The following HHAT variants were observed in gnomAD, a reference collection of about 807,000 sequenced individuals.
The protein encoded by HHAT is protein-cysteine N-palmitoyltransferase HHAT.
HHAT carries 47 observed loss-of-function variants against 70.8 expected under a neutral mutation model. That is an observed-to-expected ratio of 0.66 (90% confidence interval 0.53 to 0.85). The LOEUF (loss-of-function observed/expected upper bound fraction) is 0.85, where lower values mean the gene tolerates loss of function less well. Among genes scored for constraint, HHAT ranks in the 40% least tolerant of loss-of-function variants. HHAT has a pLI of 0.00. For missense variants in HHAT, 609 were observed against 604.8 expected (o/e 1.01, Z -0.07); for synonymous variants, 228 against 247.6 (o/e 0.92, Z 0.74).
At chr1:210,438,358 C>T (rs1403346822) in intron 7 of HHAT, among the ~76,000 whole-genome samples, 1 of 151,758 alleles carries the variant, frequency 6.6e-6, no homozygotes, top group Non-Finnish European at 1.5e-5. Flanking sequence ...GTGGCCTGCA[C>T]AGTTACATAC....
chr1:210,593,619 G>T (rs755160371), intron 10 of HHAT, among the ~76,000 whole-genome samples: 1 of 152,194 alleles, frequency 6.6e-6, no homozygotes, highest in South Asian at 2.1e-4. Flanking sequence ...AGATCCATAC[G>T]TGGAGGAGAA....
intron 9 of HHAT, among the ~76,000 whole-genome samples, chr1:210,569,124 A>T (rs1655494724): frequency 6.6e-6 from 1 of 152,128 alleles, no homozygotes. Context: ...CTGTAATCCC[A>T]TCACTTTGGG....
intron 11 of HHAT, among the ~76,000 whole-genome samples, chr1:210,627,861 T>C (rs1477727111): frequency 6.6e-6 from 1 of 152,216 alleles, no homozygotes; most frequent in Non-Finnish European, 1.5e-5. Context: ...GAGAAGGATA[T>C]GGCTGGAGAT....
chr1:210,538,386 T>C (rs2095395935), intron 9 of HHAT, among the ~76,000 whole-genome samples: 1 of 152,148 alleles, frequency 6.6e-6, no homozygotes, highest in South Asian at 2.1e-4. Flanking sequence ...TGATTTATTA[T>C]AAATATAAAA....
chr1:210,507,037 GGGCACATA>G (rs1413279023), intron 8 of HHAT, among the ~76,000 whole-genome samples: 1 of 152,264 alleles, frequency 6.6e-6, no homozygotes, highest in African/African-American at 2.4e-5. Flanking sequence ...AGCACAGAAT[GGGCACATA>G]GTAAATATTT....
chr1:210,516,956 GA>G (rs2095067175), intron 9 of HHAT, among the ~76,000 whole-genome samples: 1 of 152,216 alleles, frequency 6.6e-6, no homozygotes, highest in Admixed American at 6.5e-5. Flanking sequence ...CACATTTAAT[GA>G]AATGTGGGCA....
intron 11 of HHAT, among the ~76,000 whole-genome samples, chr1:210,634,208 A>G (rs1369160881): frequency 6.6e-6 from 1 of 152,218 alleles, no homozygotes; most frequent in East Asian, 1.9e-4. Context: ...CTGAGCGCTA[A>G]GCCACGGGAT....
intron 9 of HHAT, among the ~76,000 whole-genome samples, chr1:210,521,053 A>G (rs1202134789): frequency 6.6e-6 from 1 of 152,236 alleles, no homozygotes; most frequent in African/African-American, 2.4e-5. Flanking sequence ...ATCTCTGGAG[A>G]TCTTAATGTA....
chr1:210,537,549 T>C (rs1185777828), intron 9 of HHAT, among the ~76,000 whole-genome samples: 1 of 152,212 alleles, frequency 6.6e-6, no homozygotes, highest in Non-Finnish European at 1.5e-5. Flanking sequence ...CCGTCTTCCG[T>C]CTTCTGCAGG....
chr1:210,411,819 TTACATGCCTC>T (rs146103720), intron 6 of HHAT, among the ~76,000 whole-genome samples: 28,877 of 152,048 alleles, frequency 0.19, 3,201 homozygotes, highest in Admixed American at 0.28. Context: ...TCTACATGTC[TTACATGCCTC>T]TACATGCCTC....
chr1:210,467,255 G>A (rs1170097528), intron 8 of HHAT, among the ~76,000 whole-genome samples: 1 of 152,164 alleles, frequency 6.6e-6, no homozygotes, highest in Non-Finnish European at 1.5e-5. Flanking sequence ...TTCTGAGGCA[G>A]TGTACAATGT....
intron 10 of HHAT, among the ~76,000 whole-genome samples, chr1:210,593,700 T>A (rs1662282275): frequency 6.6e-6 from 1 of 152,214 alleles, no homozygotes; most frequent in African/African-American, 2.4e-5. Context: ...TGACCTGTGC[T>A]GCTGGTTAAA....
intron 10 of HHAT, among the ~76,000 whole-genome samples, chr1:210,596,312 A>C (rs1417054915): frequency 1.3e-5 from 2 of 152,082 alleles, no homozygotes; most frequent in African/African-American, 4.8e-5. Context: ...ATGTGGGTTA[A>C]ATCTATTTGA....
intron 10 of HHAT, among the ~76,000 whole-genome samples, chr1:210,616,374 T>C (rs189414046): frequency 1.3e-5 from 2 of 152,354 alleles, no homozygotes; most frequent in Admixed American, 1.3e-4. Context: ...TTAATTTTTA[T>C]GCAGATATTT....
intron 1 of HHAT, among the ~76,000 whole-genome samples, chr1:210,343,853 C>T (rs2086256185): frequency 6.6e-6 from 1 of 152,194 alleles, no homozygotes; most frequent in Non-Finnish European, 1.5e-5. Flanking sequence ...GGGAGAAAAT[C>T]AGGGTCAGGG....
chr1:210,413,658 C>A (rs2092631818), intron 6 of HHAT, among the ~76,000 whole-genome samples: 1 of 152,202 alleles, frequency 6.6e-6, no homozygotes. Flanking sequence ...CAGCCAAGTT[C>A]TTTGCTGGTT....
chr1:210,487,947 C>G (rs2094497401), intron 8 of HHAT, among the ~76,000 whole-genome samples: 1 of 152,172 alleles, frequency 6.6e-6, no homozygotes, highest in Non-Finnish European at 1.5e-5. Flanking sequence ...CACCATCCCT[C>G]AGAAGCCCCA....
intron 2 of HHAT, among the ~76,000 whole-genome samples, chr1:210,353,641 T>G (rs998692770): frequency 4.6e-5 from 7 of 152,042 alleles, no homozygotes; most frequent in Non-Finnish European, 7.4e-5. Context: ...ACTTAAAAAT[T>G]TTTTGGTGTT....
chr1:210,605,323 C>T (rs1002129414), intron 10 of HHAT, among the ~76,000 whole-genome samples: 2 of 152,184 alleles, frequency 1.3e-5, no homozygotes, highest in Non-Finnish European at 2.9e-5. Context: ...TATACATGAT[C>T]TAAGCTTCCT....
Sources: gnomAD v4.1 joint callset for allele counts (sites outside exome capture counted in the v4.1 genomes callset) on GRCh38, gnomAD v4.1.1 for gene constraint, MANE v1.5 for transcripts, NCBI Gene and HGNC (gene_info 2026-07-23, HGNC 2026-07-21) for gene names.